ZNF431: variants seen among roughly 807,000 people sequenced by gnomAD.
The protein encoded by ZNF431 is zinc finger protein 431.
A neutral mutation model predicts 57.0 loss-of-function variants in ZNF431; 34 were observed. The ratio of observed to expected loss-of-function variants is 0.60; its 90% CI spans 0.45 to 0.79. ZNF431 has a LOEUF of 0.79. Ranked by LOEUF, ZNF431 falls within the 30% of genes least tolerant of loss-of-function variation. The probability of loss-of-function intolerance (pLI) is 0.00; values close to 1 mark genes in which losing one functional copy is unlikely to be tolerated. For missense variants in ZNF431, 607 were observed against 667.1 expected, an observed-to-expected ratio of 0.91 and a Z score of 0.99; for synonymous variants, 207 against 220.3, an observed-to-expected ratio of 0.94 and a Z score of 0.54.
chr19:21,148,195 TCATGTTGGC>T (rs2144928307), intron 2 of ZNF431, among the ~76,000 whole-genome samples: 1 of 152,094 alleles, frequency 6.6e-6, no homozygotes, highest in African/African-American at 2.4e-5. Context: ...CTGGTTTTCA[TCATGTTGGC>T]CAGGCTGGTC....
chr19:21,171,713 T>TATATA (rs200802874), intron 4 of ZNF431, among the ~76,000 whole-genome samples: 2 of 11,692 alleles, frequency 1.7e-4, no homozygotes, highest in Admixed American at 8.6e-4. Context: ...TATATATATA[T>TATATA]TTTTTTTTTT....
chr19:21,193,485 C>T lies in ZNF431; in HGVS notation c.*9451C>T, dbSNP rs1971548030. On this transcript the variant is annotated 3_prime_UTR_variant, in exon 5 of 5. Transcript: ENST00000311048. ...GAGGTTGCAGTGAGCCGAGATCGCGCCATTGCACTCCAGCCTAGGCAATGA... is the reference window on the plus strand; with the variant it reads ...GAGGTTGCAGTGAGCCGAGATCGCGTCATTGCACTCCAGCCTAGGCAATGA... 1 of 152,312 alleles carries T rather than the reference C, an allele frequency of 6.6e-6. No individual in the cohort carries two copies. Among genetic ancestry groups the T allele is most frequent in the Non-Finnish European group, 1.5e-5 (1 of 68,130 alleles). 9.4% of individuals were successfully genotyped at this position (152,312 alleles called of 1,614,324 possible).
In ZNF431 at chr19:21,142,046, C is replaced by G. The variant is rs1354968519; in HGVS notation, c.-138C>G. On this transcript the variant is annotated 5_prime_UTR_variant, in exon 1 of 5. Transcript: ENST00000311048. ...GGGATGTGGCGGGGCCTTTGTCTCT[C>G]GCCGCAGCCTGAGCTCCAGGTCTCC... is the stretch of plus-strand genomic sequence containing the variant. 8.6e-7 allele frequency: 1 copy of G among 1,159,726 alleles called. No homozygotes were observed. The highest frequency in any genetic ancestry group is 2.4e-5 in the East Asian group (1 of 41,248). The allele number at this position is 1,159,726 out of a possible 1,614,324, so 71.8% of individuals were successfully genotyped here.
intron 2 of ZNF431, among the ~76,000 whole-genome samples, chr19:21,154,309 G>T (rs1357827999): frequency 3.3e-5 from 5 of 152,038 alleles, no homozygotes; most frequent in Non-Finnish European, 5.9e-5. Flanking sequence ...TGAGAATGAT[G>T]GTTTCCAACT....
At chr19:21,166,526 GAATTTTTTTGAT>G (rs1169270666) in intron 3 of ZNF431, 65 bp downstream of exon 3, 1 of 1,512,948 alleles carries the variant, frequency 6.6e-7, no homozygotes, top group Non-Finnish European at 8.9e-7. Context: ...TTTTTTTGTA[GAATTTTTTTGAT>G]AATTTATGCT....
At chr19:21,171,739 T>A (rs1393435012) in intron 4 of ZNF431, among the ~76,000 whole-genome samples, 5 of 90,524 alleles carry the variant, frequency 5.5e-5, no homozygotes, top group Admixed American at 1.3e-4. Context: ...TTTTTTTTTT[T>A]AGACAGAGTC....
chr19:21,177,740 A>T (rs2145035092), intron 4 of ZNF431, among the ~76,000 whole-genome samples: 1 of 152,190 alleles, frequency 6.6e-6, no homozygotes, highest in South Asian at 2.1e-4. Flanking sequence ...ATGAGCTGAG[A>T]TCATGCCATT....
chr19:21,160,048 T>C (rs1244191381), intron 2 of ZNF431, among the ~76,000 whole-genome samples: 1 of 151,666 alleles, frequency 6.6e-6, no homozygotes, highest in Non-Finnish European at 1.5e-5. Context: ...TATGAGGAGA[T>C]TTTTCCTTTG....
Position 21,184,017 on chromosome 19 carries a change from A to G in ZNF431, c.1714A>G (p.Met572Val). Residue 572 changes from methionine (M) to valine (V), a missense_variant, in exon 5 of 5, where the codon ATG (methionine) becomes GTG (valine). Met to Val is a conservative substitution (Grantham distance 21). Transcript: ENST00000311048. ...YWRETLQMSR[M>V]WESL ...GAGAGAAACTCTACAAATGTCAAGAATGTGGGAAAGCCTTTAAGCAGTCCT... is the reference window on the plus strand; with the variant it reads ...GAGAGAAACTCTACAAATGTCAAGAGTGTGGGAAAGCCTTTAAGCAGTCCT... 1 of 1,570,688 alleles carries G rather than the reference A, an allele frequency of 6.4e-7. No individual in the cohort carries two copies. Among genetic ancestry groups the G allele is most frequent in the Non-Finnish European group, 8.6e-7 (1 of 1,163,606 alleles).
intron 2 of ZNF431, chr19:21,150,008 A>G (rs1970224604): frequency 1.7e-6 from 1 of 586,976 alleles, no homozygotes. Context: ...TTTCTCCACC[A>G]AGGTGGTGAC....
rs200780442 is a variant in ZNF431 at position 21,157,419 on chromosome 19, CT to C, written c.97-8909del. ...GTGTGAGGTGGTATCTCATTGTGGTCTTTTTTTGCTTGTTTTTTGCATTTCT... is the reference window on the plus strand; with the variant it reads ...GTGTGAGGTGGTATCTCATTGTGGTCTTTTTTGCTTGTTTTTTGCATTTCT... On this transcript the variant is annotated intron_variant, in intron 2 of 4. Transcript: ENST00000311048. Among the ~76,000 whole-genome samples the C allele has an allele frequency of 2.5e-3, 386 of 152,100 alleles. 2 individuals are homozygous for C. The highest frequency in any genetic ancestry group is 8.7e-3 in the African/African-American group (363 of 41,498).
At chr19:21,154,597 T>C (rs1970367588) in intron 2 of ZNF431, among the ~76,000 whole-genome samples, 1 of 152,182 alleles carries the variant, frequency 6.6e-6, no homozygotes, top group East Asian at 1.9e-4. Flanking sequence ...ATCGCCACAC[T>C]GACTTCCACA....
chr19:21,190,734 C>T lies in ZNF431; in HGVS notation c.*6700C>T, dbSNP rs886183309. ...CTGGAGTGCAATGGCACAATCTCGGCTCACTGCAACCCTTGCCTCCCGGAT... is the reference window on the plus strand; with the variant it reads ...CTGGAGTGCAATGGCACAATCTCGGTTCACTGCAACCCTTGCCTCCCGGAT... On this transcript the variant is annotated 3_prime_UTR_variant, in exon 5 of 5. Transcript: ENST00000311048. 1 of 150,400 alleles carries T rather than the reference C, an allele frequency of 6.6e-6. No homozygotes were observed. The highest frequency in any genetic ancestry group is 2.5e-5 in the African/African-American group (1 of 40,752). The allele number at this position is 150,400 out of a possible 1,614,324, so 9.3% of individuals were successfully genotyped here.
chr19:21,162,924 C>T (rs1970615228), intron 2 of ZNF431, among the ~76,000 whole-genome samples: 1 of 151,774 alleles, frequency 6.6e-6, no homozygotes, highest in South Asian at 2.1e-4. Context: ...AAAAATTTCT[C>T]TAAACTACAT....
At position 21,173,412 on chromosome 19, in the gene ZNF431, G is replaced by T. The variant is rs10419810; in HGVS notation, c.319+5746G>T. ...TCTTTTCTACCAACAATCAGCATAG[G>T]CTTTATTTTCATTGTATCATCAACA... On this transcript the variant is annotated intron_variant, in intron 4 of 4. Coordinates refer to ENST00000311048, the MANE Select transcript of ZNF431 (RefSeq NM_133473.4). Among the ~76,000 whole-genome samples the T allele has an allele frequency of 5.9e-3, 905 of 152,204 alleles. 9 individuals carry two copies. The highest frequency in any genetic ancestry group is 0.021 in the African/African-American group (860 of 41,520).
In ZNF431 at chr19:21,183,176, A is replaced by G; in HGVS notation, c.873A>G (p.Glu291=). ...CTGGGGAGAAACCATATAGATGTGA[A>G]GAATGTGGCAAAGCCTTCAACCGGT... ...IHTGEKPYRC[E]ECGKAFNRSS... The change falls in exon 5 of 5, where the codon GAA becomes GAG. Residue 291 remains glutamate, a synonymous_variant. Coordinates refer to ENST00000311048, the MANE Select transcript of ZNF431 (RefSeq NM_133473.4). The G allele has an allele frequency of 6.2e-7, 1 of 1,613,974 alleles. No individual in the cohort carries two copies. The highest frequency in any genetic ancestry group is 1.1e-5 in the South Asian group (1 of 91,076).
In ZNF431 at chr19:21,186,783, A is replaced by G. The variant is rs948748555; in HGVS notation, c.*2749A>G. The G allele has an allele frequency of 1.3e-5, 2 of 152,182 alleles. No individual in the cohort carries two copies. The highest frequency in any genetic ancestry group is 2.9e-5 in the Non-Finnish European group (2 of 68,024). 9.4% of individuals were successfully genotyped at this position (152,182 alleles called of 1,614,324 possible). A position where few individuals can be genotyped will look rare whatever the true frequency, so the allele number is the denominator to read the frequency against. ...ATTTTTATGAAATTTAGTGCACACA[A>G]AATAATCTTTAGATGTAATTCCAAA... On this transcript the variant is annotated 3_prime_UTR_variant, in exon 5 of 5. Coordinates refer to ENST00000311048, the MANE Select transcript of ZNF431 (RefSeq NM_133473.4).
rs920940425 is a variant in ZNF431 at position 21,174,890 on chromosome 19, A to G, written c.319+7224A>G. Among the ~76,000 whole-genome samples, 8 of 152,022 alleles carry G rather than the reference A, an allele frequency of 5.3e-5. No homozygotes were observed. In the East Asian group the frequency reaches 1.5e-3, roughly 29 times the overall value. On this transcript the variant is annotated intron_variant, in intron 4 of 4. Coordinates refer to ENST00000311048, the MANE Select transcript of ZNF431 (RefSeq NM_133473.4). ...TAGATTCAAGCGATATTCCTTCCTC[A>G]GCCTCCCAAGTAGCTGGGAGTACAG...
intron 4 of ZNF431, 22 bp downstream of exon 4, chr19:21,167,688 CAG>C: frequency 6.8e-7 from 1 of 1,471,458 alleles, no homozygotes; most frequent in Non-Finnish European, 9.1e-7. Context: ...TGAAAAAAAA[CAG>C]ATGACACAGA....
Sources: gnomAD v4.1 joint callset for allele counts (sites outside exome capture counted in the v4.1 genomes callset) on GRCh38, gnomAD v4.1.1 for gene constraint, MANE v1.5 for transcripts, NCBI Gene and HGNC (gene_info 2026-07-23, HGNC 2026-07-21) for gene names.